ROR1: variants seen among roughly 807,000 people sequenced by gnomAD.
ROR1 encodes ROR family WNT receptor 1.
In ROR1, 19 loss-of-function variants were observed where a neutral mutation model predicts 78.8. That is an observed-to-expected ratio of 0.24 (90% confidence interval 0.17 to 0.35). The LOEUF (loss-of-function observed/expected upper bound fraction) is 0.35, where lower values mean the gene tolerates loss of function less well. Among genes scored for constraint, ROR1 ranks in the 10% least tolerant of loss-of-function variants. ROR1 has a pLI of 1.00. For missense variants in ROR1, 917 were observed against 1,177.8 expected, an observed-to-expected ratio of 0.78 and a Z score of 3.24; for synonymous variants, 386 against 433.6, an observed-to-expected ratio of 0.89 and a Z score of 1.36.
intron 1 of ROR1, among the ~76,000 whole-genome samples, chr1:63,991,001 C>T (rs1181116843): frequency 6.6e-6 from 1 of 152,146 alleles, no homozygotes; most frequent in African/African-American, 2.4e-5. Context: ...TCACTATAAC[C>T]TTGAACTCCT....
intron 1 of ROR1, among the ~76,000 whole-genome samples, chr1:64,002,982 C>T (rs1646397719): frequency 6.6e-6 from 1 of 152,138 alleles, no homozygotes; most frequent in South Asian, 2.1e-4. Flanking sequence ...TCTGGCTTTG[C>T]CCTCAGTCTT....
intron 4 of ROR1, among the ~76,000 whole-genome samples, chr1:64,073,081 CA>C (rs1647020785): frequency 6.6e-6 from 1 of 152,196 alleles, no homozygotes; most frequent in Non-Finnish European, 1.5e-5. Flanking sequence ...CTCACCTATG[CA>C]GAAGCATTGA....
chr1:63,846,686 A>G (rs1195680235), intron 1 of ROR1, among the ~76,000 whole-genome samples: 1 of 152,180 alleles, frequency 6.6e-6, no homozygotes, highest in Non-Finnish European at 1.5e-5. Flanking sequence ...AATCATCTGC[A>G]ACTGCGCGGC....
chr1:63,794,755 G>A (rs536593220), intron 1 of ROR1, among the ~76,000 whole-genome samples: 59 of 152,296 alleles, frequency 3.9e-4, no homozygotes, highest in African/African-American at 1.1e-3. Flanking sequence ...AGGGAGCAGC[G>A]GAGGGAACAT....
chr1:63,853,675 T>C (rs548803320), intron 1 of ROR1, among the ~76,000 whole-genome samples: 1 of 152,308 alleles, frequency 6.6e-6, no homozygotes, highest in Non-Finnish European at 1.5e-5. Flanking sequence ...AGTCTGTAAA[T>C]TGAACATTAA....
At chr1:64,095,651 A>G (rs979468481) in intron 4 of ROR1, among the ~76,000 whole-genome samples, 9 of 152,204 alleles carry the variant, frequency 5.9e-5, no homozygotes, top group Admixed American at 5.9e-4. Context: ...TCATTTGTGC[A>G]GAATTATGTA....
chr1:63,816,203 G>A (rs947887873), intron 1 of ROR1, among the ~76,000 whole-genome samples: 3 of 152,144 alleles, frequency 2.0e-5, no homozygotes, highest in African/African-American at 7.2e-5. Context: ...AGGAGAGTGG[G>A]CCTTCAACTG....
intron 2 of ROR1, among the ~76,000 whole-genome samples, chr1:64,038,520 A>C (rs980006892): frequency 6.6e-6 from 1 of 152,166 alleles, no homozygotes; most frequent in Non-Finnish European, 1.5e-5. Context: ...CAGAGGCCGC[A>C]TCACCTCTTT....
intron 2 of ROR1, chr1:64,029,093 G>C (rs549544968): frequency 6.6e-6 from 1 of 151,840 alleles, no homozygotes; most frequent in Non-Finnish European, 1.5e-5. Flanking sequence ...ATTAATTATC[G>C]TATATTTATA....
At chr1:63,991,796 G>A (rs1280866411) in intron 1 of ROR1, among the ~76,000 whole-genome samples, 1 of 152,208 alleles carries the variant, frequency 6.6e-6, no homozygotes, top group Admixed American at 6.5e-5. Flanking sequence ...AACAAAGAAG[G>A]TAGCTATTAA....
Position 64,026,707 on chromosome 1 carries a change from G to A in ROR1, c.163+17331G>A, listed in dbSNP as rs369734091. Among the ~76,000 whole-genome samples the A allele has an allele frequency of 1.5e-4, 23 of 152,238 alleles. No homozygotes were observed. In the East Asian group the frequency reaches 3.7e-3, roughly 24 times the overall value. On this transcript the variant is annotated intron_variant, in intron 2 of 8. Coordinates refer to ENST00000371079, the MANE Select transcript of ROR1 (RefSeq NM_005012.4). ...GGAAGCAGGCATGTCTTACATGGCG[G>A]CATGTGAGAGAGAGTGTGTGAACGG...
chr1:63,919,729 C>A (rs908797627), intron 1 of ROR1, among the ~76,000 whole-genome samples: 1 of 152,130 alleles, frequency 6.6e-6, no homozygotes, highest in Admixed American at 6.5e-5. Context: ...ATAATAGTGC[C>A]GCCGTCATCA....
At chr1:64,112,147 T>C (rs1023309982) in intron 4 of ROR1, 4 of 152,150 alleles carry the variant, frequency 2.6e-5, no homozygotes, top group African/African-American at 9.7e-5. Flanking sequence ...CATGAGCTTT[T>C]GAAAATAGGC....
At chr1:64,007,056 C>T (rs1006022592) in intron 1 of ROR1, among the ~76,000 whole-genome samples, 2 of 151,780 alleles carry the variant, frequency 1.3e-5, no homozygotes, top group African/African-American at 4.8e-5. Context: ...GTTTTACAGG[C>T]TTGAGTACTG....
At chr1:63,790,065 G>A (rs761567546) in intron 1 of ROR1, among the ~76,000 whole-genome samples, 4 of 152,062 alleles carry the variant, frequency 2.6e-5, no homozygotes, top group African/African-American at 9.7e-5. Context: ...TGACTCAACA[G>A]GTGAGATTAG....
At chr1:64,113,267 T>G (rs140680126) in intron 4 of ROR1, among the ~76,000 whole-genome samples, 1 of 152,264 alleles carries the variant, frequency 6.6e-6, no homozygotes, top group East Asian at 1.9e-4. Context: ...TCTTCATTGG[T>G]TTTCACTAAA....
chr1:63,984,700 T>C lies in ROR1; in HGVS notation c.92-24605T>C, dbSNP rs548674699. ...TGCCTGGGAATGCAGTCTCCTGGAA[T>C]TGCATTTAGGATCCTGACTCAATAT... On this transcript the variant is annotated intron_variant, in intron 1 of 8. Coordinates refer to ENST00000371079, the MANE Select transcript of ROR1 (RefSeq NM_005012.4). Among the ~76,000 whole-genome samples the C allele has an allele frequency of 8.5e-5, 13 of 152,298 alleles. No homozygotes were observed. The South Asian group carries it at 2.7e-3, about 32-fold the overall frequency.
chr1:64,180,305 G>A lies in ROR1; in HGVS notation c.*1450G>A, dbSNP rs1237823505. 6.6e-6 allele frequency: 1 copy of A among 152,036 alleles called. No individual in the cohort carries two copies. Among genetic ancestry groups the A allele is most frequent in the East Asian group, 1.9e-4 (1 of 5,192 alleles). The allele number at this position is 152,036 out of a possible 1,614,324, so 9.4% of individuals were successfully genotyped here. A position where few individuals can be genotyped will look rare whatever the true frequency, so the allele number is the denominator to read the frequency against. On this transcript the variant is annotated 3_prime_UTR_variant, in exon 9 of 9. Coordinates refer to ENST00000371079, the MANE Select transcript of ROR1 (RefSeq NM_005012.4). Reference sequence around the variant, plus strand: ...TTTATTCTAAGAACAATGTCTCAAAGTCTCATTTTTACTTTAAAGGTATAA... The same window carrying A: ...TTTATTCTAAGAACAATGTCTCAAAATCTCATTTTTACTTTAAAGGTATAA...
chr1:64,071,532 C>A (rs1647003402), intron 4 of ROR1, among the ~76,000 whole-genome samples: 1 of 151,938 alleles, frequency 6.6e-6, no homozygotes, highest in Non-Finnish European at 1.5e-5. Flanking sequence ...AGGCGGTGAT[C>A]AACTCATGTC....
Sources: gnomAD v4.1 joint callset for allele counts (sites outside exome capture counted in the v4.1 genomes callset) on GRCh38, gnomAD v4.1.1 for gene constraint, MANE v1.5 for transcripts, NCBI Gene and HGNC (gene_info 2026-07-23, HGNC 2026-07-21) for gene names.